ABCD2: variants seen among roughly 807,000 people sequenced by gnomAD.
ABCD2 encodes ATP-binding cassette sub-family D member 2.
Under a neutral mutation model 70.9 loss-of-function variants are expected in ABCD2, and 36 were observed. That is an observed-to-expected ratio of 0.51 (90% CI 0.39 to 0.67). The LOEUF (loss-of-function observed/expected upper bound fraction) is 0.67. ABCD2 is among the 30% of genes least tolerant of loss of function. The probability of loss-of-function intolerance (pLI) is 0.00; values close to 1 mark genes in which losing one functional copy is unlikely to be tolerated. For missense variants in ABCD2, 729 were observed against 890.2 expected (o/e 0.82, Z 2.30); for synonymous variants, 304 against 306.9 (o/e 0.99, Z 0.10).
chr12:39,572,056 G>C (rs954678829), intron 9 of ABCD2, among the ~76,000 whole-genome samples: 4 of 152,134 alleles, frequency 2.6e-5, no homozygotes, highest in African/African-American at 9.7e-5. Flanking sequence ...TTGGGTAGCT[G>C]CAATTAAAAA....
chr12:39,609,410 A>C (rs1249717284), intron 2 of ABCD2, among the ~76,000 whole-genome samples: 1 of 152,176 alleles, frequency 6.6e-6, no homozygotes, highest in Non-Finnish European at 1.5e-5. Context: ...ATTGGTGAAA[A>C]CCGAATAAAG....
At chr12:39,613,332 G>A (rs1199354843) in intron 2 of ABCD2, among the ~76,000 whole-genome samples, 1 of 73,950 alleles carries the variant, frequency 1.4e-5, no homozygotes, top group East Asian at 3.8e-4. Flanking sequence ...CTTGCAGTGA[G>A]CCGAGATCCC....
chr12:39,531,311 C>G, the ABCD2 span, among the ~76,000 whole-genome samples: 2 of 152,102 alleles, frequency 1.3e-5, no homozygotes, highest in Non-Finnish European at 2.9e-5. Flanking sequence ...ACCTAATCAG[C>G]CAAGTGATGG....
intron 9 of ABCD2, among the ~76,000 whole-genome samples, chr12:39,564,564 TC>T (rs1435791792): frequency 2.0e-5 from 3 of 152,226 alleles, no homozygotes; most frequent in Non-Finnish European, 4.4e-5. Flanking sequence ...AAAAATTTTC[TC>T]CCATTCTGTA....
intron 2 of ABCD2, among the ~76,000 whole-genome samples, chr12:39,610,488 A>G (rs539551417): frequency 6.6e-6 from 1 of 152,336 alleles, no homozygotes; most frequent in East Asian, 1.9e-4. Context: ...AGATAGCCAC[A>G]AAAGGGGTAC....
chr12:39,538,159 TTTTC>T, the ABCD2 span, among the ~76,000 whole-genome samples: 12 of 150,226 alleles, frequency 8.0e-5, no homozygotes, highest in African/African-American at 2.0e-4. Flanking sequence ...TGTACTTTCA[TTTTC>T]TTTCTTTCTT....
intron 9 of ABCD2, among the ~76,000 whole-genome samples, chr12:39,555,044 G>C (rs1040230452): frequency 6.6e-6 from 1 of 152,058 alleles, no homozygotes; most frequent in African/African-American, 2.4e-5. Flanking sequence ...AAAAAATTGA[G>C]AGATAATTCA....
chr12:39,585,850 A>G (rs1055587711), intron 7 of ABCD2, among the ~76,000 whole-genome samples: 1 of 152,186 alleles, frequency 6.6e-6, no homozygotes, highest in Non-Finnish European at 1.5e-5. Flanking sequence ...GACTTTACAT[A>G]CATCTAGACT....
Position 39,616,991 on chromosome 12 carries a change from C to T in ABCD2, c.1117G>A (p.Gly373Ser), listed in dbSNP as rs754898936. The change falls in exon 2 of 10, where the codon GGT becomes AGT. Residue 373 changes from glycine to serine, a missense_variant. By Grantham distance (56) the Gly-to-Ser change is moderately conservative. Around this residue, in one of 3 missense-constraint regions of ABCD2, gnomAD observed 195 missense variants for 300.2 expected, o/e 0.65. Coordinates refer to ENST00000308666, the MANE Select transcript of ABCD2 (RefSeq NM_005164.4). ...PIITATGFAD[G>S]EDGQKQVMVS... ...GATTAAGCATAAATGTCATTACCAC[C>T]ATCTGCAAAGCCAGTTGCAGTGATA... 2 of 1,582,452 alleles carry T rather than the reference C, an allele frequency of 1.3e-6. No homozygotes were observed. The highest frequency in any genetic ancestry group is 1.9e-5 in the Admixed American group (1 of 51,610).
intron 1 of ABCD2, among the ~76,000 whole-genome samples, chr12:39,617,816 A>C (rs913164474): frequency 2.6e-5 from 4 of 152,196 alleles, no homozygotes; most frequent in Non-Finnish European, 2.9e-5. Context: ...CAACAGTAGA[A>C]TACTTTATTT....
chr12:39,545,894 T>C (rs1238076686), downstream of ABCD2, among the ~76,000 whole-genome samples: 1 of 152,086 alleles, frequency 6.6e-6, no homozygotes, highest in Non-Finnish European at 1.5e-5. Flanking sequence ...AGGAAGGATA[T>C]ACAGTTTGGG....
At chr12:39,563,788 C>A (rs770766511) in intron 9 of ABCD2, among the ~76,000 whole-genome samples, 20 of 152,192 alleles carry the variant, frequency 1.3e-4, no homozygotes, top group Admixed American at 6.5e-4. Flanking sequence ...CCCCTCACCT[C>A]ACAACAGGCC....
At chr12:39,545,527 A>G (rs1418540082), downstream of ABCD2, among the ~76,000 whole-genome samples, 1 of 152,160 alleles carries the variant, frequency 6.6e-6, no homozygotes, top group African/African-American at 2.4e-5. Flanking sequence ...GACCCCACCA[A>G]GCAGTCTTTC....
the ABCD2 span, among the ~76,000 whole-genome samples, chr12:39,542,418 C>T: frequency 4.0e-5 from 6 of 149,858 alleles, no homozygotes; most frequent in South Asian, 2.1e-4. Flanking sequence ...AGCTGAGATA[C>T]GCCACTGCAC....
At chr12:39,587,231 A>T (rs1020219597) in intron 6 of ABCD2, among the ~76,000 whole-genome samples, 28 of 152,344 alleles carry the variant, frequency 1.8e-4, no homozygotes, top group South Asian at 8.3e-4. Flanking sequence ...TAATAAAAGG[A>T]TGAGGAAGAC....
chr12:39,604,716 T>C (rs763849687), intron 4 of ABCD2, 46 bp downstream of exon 4: 1 of 1,441,612 alleles, frequency 6.9e-7, no homozygotes, highest in Admixed American at 2.5e-5. Flanking sequence ...GTTCTGTTGA[T>C]AAATACTTAA....
At chr12:39,602,967 T>G (rs1941921337) in intron 5 of ABCD2, among the ~76,000 whole-genome samples, 1 of 152,176 alleles carries the variant, frequency 6.6e-6, no homozygotes, top group South Asian at 2.1e-4. Context: ...GGTCAGATCC[T>G]AGTAATTAGA....
At chr12:39,532,554 A>G in the ABCD2 span, among the ~76,000 whole-genome samples, 2 of 152,338 alleles carry the variant, frequency 1.3e-5, no homozygotes, top group Admixed American at 6.5e-5. Context: ...CTGGCAATGT[A>G]TATTAATTCT....
chr12:39,562,624 T>C (rs1941277305), intron 9 of ABCD2, among the ~76,000 whole-genome samples: 1 of 151,834 alleles, frequency 6.6e-6, no homozygotes, highest in South Asian at 2.1e-4. Context: ...CCTACAAAGA[T>C]TGAACTATGA....
Sources: gnomAD v4.1 joint callset for allele counts (sites outside exome capture counted in the v4.1 genomes callset) on GRCh38, gnomAD v4.1.1 for gene constraint, gnomAD v4.1.1 regional missense constraint, MANE v1.5 for transcripts, NCBI Gene and HGNC (gene_info 2026-07-23, HGNC 2026-07-21) for gene names.